Variants in TBC1D1 observed in about 807,000 individuals in gnomAD.
TBC1D1 encodes the protein TBC1 (tre-2/USP6, BUB2, cdc16) domain family, member 1.
A neutral mutation model predicts 125.6 loss-of-function variants in TBC1D1; 89 were observed. The ratio of observed to expected loss-of-function variants is 0.71; its 90% CI spans 0.60 to 0.85. The LOEUF is 0.85. Ranked by LOEUF, TBC1D1 falls within the 40% of genes least tolerant of loss-of-function variation. TBC1D1 has a pLI of 0.00. For missense variants in TBC1D1, 1,377 were observed against 1,469.2 expected (o/e 0.94, Z 1.03); for synonymous variants, 565 against 564.1 (o/e 1.00, Z -0.02).
At chr4:38,026,241 TG>T (rs1487403036) in intron 6 of TBC1D1, among the ~76,000 whole-genome samples, 1 of 152,214 alleles carries the variant, frequency 6.6e-6, no homozygotes, top group Non-Finnish European at 1.5e-5. Context: ...AATGTCTTTC[TG>T]GAAGCAGAGA....
intron 15 of TBC1D1, among the ~76,000 whole-genome samples, chr4:38,109,712 C>G (rs932701234): frequency 2.6e-5 from 4 of 152,180 alleles, no homozygotes; most frequent in African/African-American, 9.7e-5. Flanking sequence ...ATCTCCTAAC[C>G]CTGCCATTCA....
chr4:37,951,554 G>A (rs1028450085), intron 2 of TBC1D1, among the ~76,000 whole-genome samples: 3 of 152,156 alleles, frequency 2.0e-5, no homozygotes, highest in African/African-American at 7.2e-5. Flanking sequence ...CAGAACTACA[G>A]GCTCTTTTTT....
intron 2 of TBC1D1, among the ~76,000 whole-genome samples, chr4:37,908,933 T>C (rs568862514): frequency 6.6e-6 from 1 of 152,232 alleles, no homozygotes; most frequent in African/African-American, 2.4e-5. Flanking sequence ...TTCCTTTTAA[T>C]GTCCTTTGAC....
intron 12 of TBC1D1, among the ~76,000 whole-genome samples, chr4:38,065,250 C>T (rs1753505291): frequency 6.6e-6 from 1 of 152,086 alleles, no homozygotes; most frequent in Non-Finnish European, 1.5e-5. Context: ...ACCCACCCAG[C>T]CCGTAGCTAC....
intron 18 of TBC1D1, among the ~76,000 whole-genome samples, chr4:38,129,965 C>T (rs1221419038): frequency 6.6e-6 from 1 of 152,190 alleles, no homozygotes; most frequent in African/African-American, 2.4e-5. Flanking sequence ...TATCCCAAGC[C>T]AGTAAAATAT....
chr4:38,030,000 C>A (rs1745826005), intron 7 of TBC1D1, among the ~76,000 whole-genome samples: 1 of 152,136 alleles, frequency 6.6e-6, no homozygotes, highest in Admixed American at 6.5e-5. Context: ...CAAGTTGGGG[C>A]CTTTTTCATC....
intron 12 of TBC1D1, chr4:38,060,612 T>A (rs1364953): frequency 0.21 from 270,462 of 1,287,656 alleles, 29,679 homozygotes; most frequent in East Asian, 0.35. Context: ...GCCTTCTCTC[T>A]TTTTCAGAAC....
At chr4:37,934,006 C>A (rs1017324044) in intron 2 of TBC1D1, among the ~76,000 whole-genome samples, 1 of 152,186 alleles carries the variant, frequency 6.6e-6, no homozygotes, top group African/African-American at 2.4e-5. Flanking sequence ...AGCAGAAGCA[C>A]CTGTATTGCA....
At chr4:38,129,025 A>G (rs771395010) in intron 18 of TBC1D1, among the ~76,000 whole-genome samples, 13 of 152,228 alleles carry the variant, frequency 8.5e-5, no homozygotes, top group Non-Finnish European at 1.8e-4. Context: ...GCCTCAGCCC[A>G]GCATTGTCAT....
At chr4:38,120,795 G>A (rs989486124) in intron 17 of TBC1D1, among the ~76,000 whole-genome samples, 5 of 152,070 alleles carry the variant, frequency 3.3e-5, no homozygotes, top group Non-Finnish European at 4.4e-5. Flanking sequence ...TGGGAGAGAC[G>A]CTTGCTCTGT....
chr4:37,905,965 C>T (rs902780011), intron 2 of TBC1D1, among the ~76,000 whole-genome samples: 2 of 152,126 alleles, frequency 1.3e-5, no homozygotes, highest in South Asian at 2.1e-4. Context: ...TCTAGTAAAA[C>T]GTTTGCTCAG....
At chr4:37,922,551 G>A (rs1721233914) in intron 2 of TBC1D1, among the ~76,000 whole-genome samples, 1 of 152,150 alleles carries the variant, frequency 6.6e-6, no homozygotes, top group South Asian at 2.1e-4. Flanking sequence ...CCAGACCACA[G>A]ACCCTCCACC....
intron 10 of TBC1D1, among the ~76,000 whole-genome samples, 155 bp from the exon 11 acceptor site, chr4:38,049,463 T>A (rs536811940): frequency 3.9e-5 from 6 of 152,354 alleles, no homozygotes; most frequent in African/African-American, 1.4e-4. Context: ...TTAATGGACC[T>A]TCATTTTCTT....
intron 2 of TBC1D1, among the ~76,000 whole-genome samples, chr4:37,955,229 T>C (rs1017160595): frequency 3.9e-5 from 6 of 152,242 alleles, no homozygotes; most frequent in Non-Finnish European, 8.8e-5. Context: ...ATTTTACTTC[T>C]GGAGCATGTA....
At chr4:38,103,473 G>C (rs1457349461) in intron 15 of TBC1D1, among the ~76,000 whole-genome samples, 1 of 152,150 alleles carries the variant, frequency 6.6e-6, no homozygotes, top group African/African-American at 2.4e-5. Flanking sequence ...TCAACCGAAG[G>C]AACATCCTGG....
At chr4:37,959,820 G>A (rs1042762043) in intron 2 of TBC1D1, among the ~76,000 whole-genome samples, 14 of 152,152 alleles carry the variant, frequency 9.2e-5, no homozygotes, top group African/African-American at 3.4e-4. Context: ...GCCCAAGCAA[G>A]CACCATTAGT....
intron 2 of TBC1D1, among the ~76,000 whole-genome samples, chr4:37,911,797 C>T (rs1165537907): frequency 1.3e-5 from 2 of 152,146 alleles, no homozygotes; most frequent in East Asian, 3.9e-4. Context: ...TTCTGAATGC[C>T]ATATTTTCAG....
Position 37,995,751 on chromosome 4 carries a change from C to T in TBC1D1, c.418-18758C>T. The T allele has an allele frequency of 5.6e-6, 3 of 531,374 alleles. No homozygotes were observed. The highest frequency in any genetic ancestry group is 4.2e-5 in the South Asian group (3 of 71,478). 32.9% of individuals were successfully genotyped at this position (531,374 alleles called of 1,614,324 possible). A position where few individuals can be genotyped will look rare whatever the true frequency, so the allele number is the denominator to read the frequency against. On this transcript the variant is annotated intron_variant, in intron 2 of 19. Transcript: ENST00000261439. This position sits in a 1 kb window ranked among gnomAD's most constrained non-coding sequence, Gnocchi z 4.3. The stretch of plus-strand genomic sequence containing the variant: ...TTGTCTGGACGGCTTGCACTTTGGT[C>T]TTAACTGCATTCACCCTCTCCAGCA...
At chr4:37,955,635 T>C (rs1314498008) in intron 2 of TBC1D1, among the ~76,000 whole-genome samples, 2 of 152,208 alleles carry the variant, frequency 1.3e-5, no homozygotes, top group East Asian at 3.8e-4. Context: ...GTTGGTTGAA[T>C]CCACAGATGC....
Sources: gnomAD v4.1 joint callset for allele counts (sites outside exome capture counted in the v4.1 genomes callset) on GRCh38, gnomAD v4.1.1 for gene constraint, Gnocchi (gnomAD v3.1) non-coding constraint, MANE v1.5 for transcripts, NCBI Gene and HGNC (gene_info 2026-07-23, HGNC 2026-07-21) for gene names.